Variants in MALRD1 observed in about 807,000 individuals in gnomAD.
MALRD1 encodes the protein MAM and LDL receptor class A domain containing 1.
Under a neutral mutation model 242.1 loss-of-function variants are expected in MALRD1, and 247 were observed. The ratio of observed to expected loss-of-function variants is 1.02; its 90% CI spans 0.92 to 1.13. The LOEUF is 1.13. Among genes scored for constraint, MALRD1 ranks in the 50% most tolerant of loss-of-function variants. MALRD1 has a pLI of 0.00. For missense variants in MALRD1, 2,989 were observed against 2,533.1 expected, an observed-to-expected ratio of 1.18 and a Z score of -3.86; for synonymous variants, 995 against 866.6, an observed-to-expected ratio of 1.15 and a Z score of -2.60.
intron 28 of MALRD1, among the ~76,000 whole-genome samples, chr10:19,406,457 C>A (rs559123449): frequency 9.1e-4 from 139 of 152,162 alleles, no homozygotes; most frequent in African/African-American, 3.2e-3. Context: ...GTTCATTAAA[C>A]TTCATGCCTG....
intron 20 of MALRD1, among the ~76,000 whole-genome samples, chr10:19,281,848 C>T (rs1282338995): frequency 6.6e-6 from 1 of 150,912 alleles, no homozygotes; most frequent in Non-Finnish European, 1.5e-5. Flanking sequence ...GTGGCGTGTG[C>T]CTGTAATCCC....
upstream of MALRD1, among the ~76,000 whole-genome samples, chr10:19,048,095 G>C (rs2789316): frequency 0.38 from 58,500 of 151,974 alleles, 11,279 homozygotes; most frequent in South Asian, 0.45. Flanking sequence ...CCTGAAATCA[G>C]GTGTTTCACT....
At chr10:19,537,781 C>G (rs1834755655) in intron 32 of MALRD1, among the ~76,000 whole-genome samples, 1 of 152,114 alleles carries the variant, frequency 6.6e-6, no homozygotes, top group Non-Finnish European at 1.5e-5. Flanking sequence ...TGAGGTCTCC[C>G]CCTTCATGAT....
At chr10:19,320,027 G>A (rs1386389955) in intron 21 of MALRD1, among the ~76,000 whole-genome samples, 1 of 116,764 alleles carries the variant, frequency 8.6e-6, no homozygotes, top group South Asian at 3.0e-4. Context: ...GCTAACCTGA[G>A]TTTTATAAAA....
chr10:19,213,641 C>T (rs1683755043), intron 18 of MALRD1, among the ~76,000 whole-genome samples: 1 of 152,162 alleles, frequency 6.6e-6, no homozygotes, highest in African/African-American at 2.4e-5. Context: ...TACTCTGGAT[C>T]GGTTCTGACT....
At chr10:19,442,437 A>G (rs886324710) in intron 28 of MALRD1, among the ~76,000 whole-genome samples, 4 of 152,132 alleles carry the variant, frequency 2.6e-5, no homozygotes, top group African/African-American at 9.7e-5. Context: ...CTCATTCAGT[A>G]TGATATTGGC....
rs35948766 is a variant in MALRD1 at position 19,108,387 on chromosome 10, CTTTTTTTTTTT to C, written c.694+4340_694+4350del. Among the ~76,000 whole-genome samples, 12 of 19,762 alleles carry C rather than the reference CTTTTTTTTTTT, an allele frequency of 6.1e-4. 1 individual carries two copies. The highest frequency in any genetic ancestry group is 1.4e-3 in the African/African-American group (4 of 2,782). The allele number at this position is 19,762 out of a possible 152,430, so 13.0% of individuals were successfully genotyped here. A position where few individuals can be genotyped will look rare whatever the true frequency, so the allele number is the denominator to read the frequency against. On this transcript the variant is annotated intron_variant, in intron 5 of 39. Coordinates refer to ENST00000454679, the MANE Select transcript of MALRD1 (RefSeq NM_001142308.3). The stretch of plus-strand genomic sequence containing the variant: ...TTATTGAGCTCATGAATTGTTTTTT[CTTTTTTTTTTT>C]TTTTTTTTTTTTTTTTTTTTTTTTT...
rs1451583700 is a variant in MALRD1, at chr10:19,491,619, C to G, written c.5132C>G (p.Ser1711Cys). Residue 1711 changes from serine (S) to cysteine (C), a missense_variant, in exon 30 of 40, where the codon TCT (serine) becomes TGT (cysteine). Physicochemically the swap from Ser to Cys is moderately radical, Grantham distance 112. Transcript: ENST00000454679. ...HLLCDYKPDC[S>C]DRSDEAHCAH... ...CTTTGTGACTATAAGCCAGACTGCT[C>G]TGATAGGTCTGATGAAGCTCACTGT... 5 of 1,549,652 alleles carry G rather than the reference C, an allele frequency of 3.2e-6. No individual in the cohort carries two copies. The African/African-American group carries it at 4.1e-5, about 13-fold the overall frequency.
chr10:19,649,243 G>A (rs2131700558), intron 36 of MALRD1, among the ~76,000 whole-genome samples: 1 of 152,218 alleles, frequency 6.6e-6, no homozygotes, highest in African/African-American at 2.4e-5. Flanking sequence ...ATTCCTCTGG[G>A]TATACACCCA....
At chr10:19,432,981 T>C (rs1211574585) in intron 28 of MALRD1, among the ~76,000 whole-genome samples, 15 of 152,134 alleles carry the variant, frequency 9.9e-5, no homozygotes, top group Admixed American at 9.8e-4. Context: ...AATACACTTG[T>C]AATGCGTCTG....
chr10:19,272,770 G>A (rs1014554258), intron 19 of MALRD1, among the ~76,000 whole-genome samples: 1 of 152,156 alleles, frequency 6.6e-6, no homozygotes, highest in African/African-American at 2.4e-5. Flanking sequence ...CTGTGAGTGA[G>A]AACATGTGGT....
chr10:19,384,967 T>C (rs1846017361), intron 26 of MALRD1, among the ~76,000 whole-genome samples: 1 of 151,728 alleles, frequency 6.6e-6, no homozygotes, highest in Admixed American at 6.6e-5. Flanking sequence ...GAGATTTTAT[T>C]ATGAAATGGT....
chr10:19,506,344 G>C (rs1833140694), intron 31 of MALRD1, among the ~76,000 whole-genome samples: 1 of 152,150 alleles, frequency 6.6e-6, no homozygotes, highest in African/African-American at 2.4e-5. Flanking sequence ...ACAGAACTCA[G>C]CATAATGGAC....
chr10:19,357,856 A>G (rs572176410), intron 26 of MALRD1, among the ~76,000 whole-genome samples: 1 of 152,264 alleles, frequency 6.6e-6, no homozygotes, highest in South Asian at 2.1e-4. Context: ...AGAAAAGACA[A>G]GAGGGGAAAA....
At chr10:19,574,985 T>G (rs1291769096) in intron 33 of MALRD1, among the ~76,000 whole-genome samples, 1 of 152,212 alleles carries the variant, frequency 6.6e-6, no homozygotes, top group Non-Finnish European at 1.5e-5. Flanking sequence ...ATCTATGTGG[T>G]GCCCTTGAGT....
intron 36 of MALRD1, among the ~76,000 whole-genome samples, chr10:19,634,616 C>T (rs548264224): frequency 6.6e-6 from 1 of 152,244 alleles, no homozygotes; most frequent in East Asian, 1.9e-4. Flanking sequence ...GTTCTGGATT[C>T]TGTTGGTAAG....
intron 29 of MALRD1, chr10:19,491,093 A>G (rs1837474203): frequency 3.4e-6 from 1 of 294,440 alleles, no homozygotes; most frequent in Admixed American, 4.3e-5. Context: ...TATCATTAAA[A>G]TTAGTGTCTT....
intron 21 of MALRD1, among the ~76,000 whole-genome samples, chr10:19,312,378 GTATATA>G (rs112120220): frequency 2.3e-4 from 32 of 137,546 alleles, no homozygotes; most frequent in African/African-American, 7.1e-4. Flanking sequence ...AGAGGAATGT[GTATATA>G]TATATATATA....
intron 22 of MALRD1, among the ~76,000 whole-genome samples, chr10:19,327,071 A>G (rs1214475986): frequency 6.6e-6 from 1 of 152,108 alleles, no homozygotes; most frequent in African/African-American, 2.4e-5. Context: ...CTGGCGCAGC[A>G]TAAATAGATG....
Sources: gnomAD v4.1 joint callset for allele counts (sites outside exome capture counted in the v4.1 genomes callset) on GRCh38, gnomAD v4.1.1 for gene constraint, MANE v1.5 for transcripts, NCBI Gene and HGNC (gene_info 2026-07-23, HGNC 2026-07-21) for gene names.